The following CAMTA1 variants were observed in gnomAD, a reference collection of about 807,000 sequenced individuals.
CAMTA1 encodes calmodulin binding transcription activator 1, also known as calmodulin-binding transcription activator 1.
Under a neutral mutation model 170.9 loss-of-function variants are expected in CAMTA1, and 27 were observed. That is an observed-to-expected ratio of 0.16 (90% CI 0.12 to 0.22). The LOEUF (loss-of-function observed/expected upper bound fraction) is 0.22. Ranked by LOEUF, CAMTA1 falls within the 10% of genes least tolerant of loss-of-function variation. The pLI is 1.00. For synonymous variants in CAMTA1, 833 were observed against 891.5 expected (o/e 0.93, Z 1.17); for missense variants, 1,619 against 2,217.2 (o/e 0.73, Z 5.42).
chr1:6,935,109 G>A (rs1158296732), intron 3 of CAMTA1, among the ~76,000 whole-genome samples: 1 of 152,226 alleles, frequency 6.6e-6, no homozygotes, highest in Non-Finnish European at 1.5e-5. Context: ...TCCCAAATAA[G>A]TTTTTATTCT....
At chr1:6,789,911 G>A (rs1640563605) in intron 1 of CAMTA1, among the ~76,000 whole-genome samples, 1 of 145,656 alleles carries the variant, frequency 6.9e-6, no homozygotes, top group Non-Finnish European at 1.5e-5. Context: ...CCAGGTTCAA[G>A]CAATTCTCTT....
rs534864965 is a variant in CAMTA1, at chr1:7,318,965, A to G, written c.438+69339A>G. ...ATCGTGTGTGTTGGGGTGAAAATGG[A>G]CGACTGGAGTCTCAGCTTATTGAAT... On this transcript the variant is annotated intron_variant, in intron 5 of 22. Coordinates refer to ENST00000303635, the MANE Select transcript of CAMTA1 (RefSeq NM_015215.4). Among the ~76,000 whole-genome samples the G allele has an allele frequency of 3.3e-5, 5 of 152,326 alleles. No individual in the cohort carries two copies. The East Asian group carries it at 9.6e-4, about 29-fold the overall frequency.
chr1:7,575,753 GTTAC>G (rs752490279), intron 6 of CAMTA1, among the ~76,000 whole-genome samples: 7 of 152,226 alleles, frequency 4.6e-5, no homozygotes, highest in Non-Finnish European at 8.8e-5. Flanking sequence ...AGGCACACTT[GTTAC>G]TTACTTGTCA....
chr1:7,520,652 G>C (rs1333757702), intron 6 of CAMTA1, among the ~76,000 whole-genome samples: 2 of 152,016 alleles, frequency 1.3e-5, no homozygotes, highest in South Asian at 2.1e-4. Flanking sequence ...CACCCAGCTG[G>C]GGAGCACTGG....
chr1:7,507,579 G>A (rs893149265), intron 6 of CAMTA1, among the ~76,000 whole-genome samples: 25 of 152,178 alleles, frequency 1.6e-4, no homozygotes, highest in African/African-American at 4.6e-4. Context: ...AAAGTGGCTT[G>A]ACTCAAATTG....
intron 3 of CAMTA1, among the ~76,000 whole-genome samples, chr1:6,946,188 C>CCT (rs1687544584): frequency 2.1e-5 from 3 of 145,506 alleles, no homozygotes; most frequent in Admixed American, 2.1e-4. Flanking sequence ...TCTTTCTCTT[C>CCT]TTTTTTTTTT....
At chr1:6,928,324 G>T (rs570409313) in intron 3 of CAMTA1, among the ~76,000 whole-genome samples, 2 of 152,152 alleles carry the variant, frequency 1.3e-5, no homozygotes, top group East Asian at 3.9e-4. Context: ...GCTTCAAAGG[G>T]CAGGGAGCTC....
In CAMTA1 at chr1:7,642,262, C is replaced by T. The variant is rs1394653394; in HGVS notation, c.664+1709C>T. Among the ~76,000 whole-genome samples, 1 of 152,218 alleles carries T rather than the reference C, an allele frequency of 6.6e-6. No homozygotes were observed. Among genetic ancestry groups the T allele is most frequent in the Non-Finnish European group, 1.5e-5 (1 of 68,030 alleles). Reference sequence around the variant, plus strand: ...AGCATGGGGAAATGGCACAGCTGCCCTTGGGAAGCCCTCCGGCTCTCTGCA... The same window carrying T: ...AGCATGGGGAAATGGCACAGCTGCCTTTGGGAAGCCCTCCGGCTCTCTGCA... On this transcript the variant is annotated intron_variant, in intron 7 of 22. Coordinates refer to ENST00000303635, the MANE Select transcript of CAMTA1 (RefSeq NM_015215.4). This position sits in a 1 kb window ranked among gnomAD's most constrained non-coding sequence, Gnocchi z 6.3.
Position 7,082,019 on chromosome 1 carries a change from T to A in CAMTA1, c.235-9285T>A, listed in dbSNP as rs544962850. On this transcript the variant is annotated intron_variant, in intron 3 of 22. Coordinates refer to ENST00000303635, the MANE Select transcript of CAMTA1 (RefSeq NM_015215.4). ...ACCTTGCTTTTGAAAACATTCAGCT[T>A]TGTTCCATTTTCCCCACTCCCATGG... Among the ~76,000 whole-genome samples the A allele has an allele frequency of 2.8e-4, 43 of 152,314 alleles. 1 individual carries two copies. The South Asian group carries it at 8.7e-3, about 31-fold the overall frequency.
chr1:7,591,389 T>C (rs1338400662), intron 6 of CAMTA1, among the ~76,000 whole-genome samples: 1 of 152,224 alleles, frequency 6.6e-6, no homozygotes, highest in Non-Finnish European at 1.5e-5. Context: ...GCCCATTCCT[T>C]TGTGGTTGCA....
chr1:6,889,469 C>T (rs1275693018), intron 3 of CAMTA1, among the ~76,000 whole-genome samples: 1 of 152,176 alleles, frequency 6.6e-6, no homozygotes, highest in African/African-American at 2.4e-5. Context: ...AATTGTATCG[C>T]TGCTCAGAGG....
intron 1 of CAMTA1, among the ~76,000 whole-genome samples, chr1:6,795,251 A>G (rs1169168054): frequency 2.6e-5 from 4 of 152,144 alleles, no homozygotes; most frequent in African/African-American, 9.7e-5. Flanking sequence ...CAGTAGTGCA[A>G]TCCATAGCTC....
At chr1:7,735,051 C>T (rs894915074) in intron 12 of CAMTA1, among the ~76,000 whole-genome samples, 5 of 152,124 alleles carry the variant, frequency 3.3e-5, no homozygotes, top group Admixed American at 2.6e-4. Context: ...TCCTATAGCC[C>T]TTATTGTTAT....
chr1:7,667,591 C>G (rs146022213), intron 9 of CAMTA1, among the ~76,000 whole-genome samples: 1 of 152,120 alleles, frequency 6.6e-6, no homozygotes, highest in Admixed American at 6.5e-5. Context: ...CCTGGCCTGT[C>G]AGACAGGCCC....
Position 6,971,902 on chromosome 1 carries a change from C to G in CAMTA1, c.235-119402C>G, listed in dbSNP as rs1225938995. Among the ~76,000 whole-genome samples, 9 of 152,214 alleles carry G rather than the reference C, an allele frequency of 5.9e-5. No individual in the cohort carries two copies. The highest frequency in any genetic ancestry group is 1.3e-4 in the Non-Finnish European group (9 of 68,046). ...GCCTCCCCAAAAAGCCAGAGCTGGC[C>G]TGGAGAGAGGAGAGGAGAGCATCGC... On this transcript the variant is annotated intron_variant, in intron 3 of 22. Coordinates refer to ENST00000303635, the MANE Select transcript of CAMTA1 (RefSeq NM_015215.4). This position sits in a 1 kb window ranked among gnomAD's most constrained non-coding sequence, Gnocchi z 4.6.
At chr1:7,120,517 C>T (rs951510306) in intron 4 of CAMTA1, among the ~76,000 whole-genome samples, 7 of 152,194 alleles carry the variant, frequency 4.6e-5, no homozygotes, top group South Asian at 2.1e-4. Flanking sequence ...GCAAGATGGA[C>T]GTTCCTGCTG....
At position 7,090,277 on chromosome 1, in the gene CAMTA1, C is replaced by T. The variant is rs556280914; in HGVS notation, c.235-1027C>T. Reference sequence around the variant, plus strand: ...CATCTCTGGTCACTGGTGTCAACTCCATTATGTCCCAGCTGAAAGAGGCTG... The same window carrying T: ...CATCTCTGGTCACTGGTGTCAACTCTATTATGTCCCAGCTGAAAGAGGCTG... On this transcript the variant is annotated intron_variant, in intron 3 of 22. Coordinates refer to ENST00000303635, the MANE Select transcript of CAMTA1 (RefSeq NM_015215.4). Among the ~76,000 whole-genome samples the T allele has an allele frequency of 3.3e-5, 5 of 152,334 alleles. No individual in the cohort carries two copies. The East Asian group carries it at 9.6e-4, about 29-fold the overall frequency.
intron 4 of CAMTA1, among the ~76,000 whole-genome samples, chr1:7,124,483 C>A (rs778578785): frequency 6.6e-6 from 1 of 152,214 alleles, no homozygotes; most frequent in Non-Finnish European, 1.5e-5. Context: ...GAATGTCATG[C>A]GCCATGTGGA....
chr1:6,910,264 C>T (rs542090629), intron 3 of CAMTA1, among the ~76,000 whole-genome samples: 1 of 152,318 alleles, frequency 6.6e-6, no homozygotes, highest in South Asian at 2.1e-4. Context: ...ATTCCAAAGC[C>T]TTCATGGGCT....
Sources: allele counts gnomAD v4.1 joint callset (sites outside exome capture counted in the v4.1 genomes callset), GRCh38; gene constraint gnomAD v4.1.1; non-coding constraint Gnocchi (gnomAD v3.1); transcripts MANE v1.5; gene names NCBI Gene and HGNC (gene_info 2026-07-23, HGNC 2026-07-21).